LNPK: variants seen among roughly 807,000 people sequenced by gnomAD.
LNPK encodes the protein lunapark, ER junction formation factor, also known as endoplasmic reticulum junction formation protein lunapark.
LNPK carries 29 observed loss-of-function variants against 55.2 expected under a neutral mutation model. That is an observed-to-expected ratio of 0.53 (90% CI 0.39 to 0.72). The LOEUF (loss-of-function observed/expected upper bound fraction) is 0.72. Ranked by LOEUF, LNPK falls within the 30% of genes least tolerant of loss-of-function variation. The probability of loss-of-function intolerance (pLI) is 0.00; values close to 1 mark genes in which losing one functional copy is unlikely to be tolerated. For missense variants in LNPK, 467 were observed against 494.8 expected, an observed-to-expected ratio of 0.94 and a Z score of 0.53; for synonymous variants, 162 against 168.2, an observed-to-expected ratio of 0.96 and a Z score of 0.29.
chr2:175,950,165 C>T (rs2105573812), intron 8 of LNPK, among the ~76,000 whole-genome samples: 1 of 152,106 alleles, frequency 6.6e-6, no homozygotes, highest in African/African-American at 2.4e-5. Flanking sequence ...AATGACCCAA[C>T]AAAAATCATA....
At chr2:175,937,648 T>G (rs1684620592) in intron 11 of LNPK, 134 bp from the exon 12 acceptor site, 3 of 601,454 alleles carry the variant, frequency 5.0e-6, no homozygotes, top group Non-Finnish European at 8.6e-6. Context: ...GTTATTTAAA[T>G]AATAATATGG....
intron 9 of LNPK, among the ~76,000 whole-genome samples, chr2:175,942,712 A>G (rs1034460919): frequency 9.2e-5 from 14 of 151,824 alleles, no homozygotes; most frequent in Non-Finnish European, 2.1e-4. Flanking sequence ...TTAAACACCT[A>G]TATTACAAAA....
At chr2:175,980,904 CAAAAAAAA>C (rs369143349) in intron 4 of LNPK, among the ~76,000 whole-genome samples, 3 of 99,584 alleles carry the variant, frequency 3.0e-5, no homozygotes, top group South Asian at 2.9e-4. Context: ...AAGACTGTCC[CAAAAAAAA>C]AAAAAAAAAG....
In LNPK at chr2:175,950,848, T is replaced by C. The variant is rs142896713; in HGVS notation, c.494-3156A>G. ...AACAGGCAATAACTATTAGCAGAAA[T>C]AGTGCATATCTAAAGGTTCCAACGA... On this transcript the variant is annotated intron_variant, in intron 8 of 12. Coordinates refer to ENST00000272748, the MANE Select transcript of LNPK (RefSeq NM_030650.3). Among the ~76,000 whole-genome samples the C allele has an allele frequency of 3.2e-3, 487 of 152,186 alleles. 2 individuals are homozygous for C. The highest frequency in any genetic ancestry group is 9.6e-3 in the African/African-American group (397 of 41,542).
At chr2:175,947,333 A>C in intron 9 of LNPK, 147 bp downstream of exon 9, 1 of 636,020 alleles carries the variant, frequency 1.6e-6, no homozygotes, top group Non-Finnish European at 2.7e-6. Flanking sequence ...GTTATGGCTA[A>C]TTGAATATGG....
intron 2 of LNPK, 75 bp from the exon 3 acceptor site, chr2:175,993,298 G>T: frequency 2.4e-6 from 2 of 841,748 alleles, no homozygotes; most frequent in South Asian, 2.4e-5. Flanking sequence ...AATCATTAAA[G>T]AACATTTATT....
At chr2:175,948,632 A>G (rs533789789) in intron 8 of LNPK, among the ~76,000 whole-genome samples, 1 of 152,236 alleles carries the variant, frequency 6.6e-6, no homozygotes, top group Non-Finnish European at 1.5e-5. Context: ...TACTTTTTCA[A>G]TTCTACCTAT....
At position 175,924,301 on chromosome 2, in the gene LNPK, T is replaced by G. The variant is rs140063576; in HGVS notation, c.*5666A>C. 1.0e-3 allele frequency: 153 copies of G among 152,364 alleles called. No individual in the cohort carries two copies. Among genetic ancestry groups the G allele is most frequent in the African/African-American group, 3.5e-3 (144 of 41,588 alleles). The allele number at this position is 152,364 out of a possible 1,614,324, so 9.4% of individuals were successfully genotyped here. ...AGCTATTCATAATTCACAAAATGCCTTTATTCTTTGGCCCTTCAACTAACT... is the reference window on the plus strand; with the variant it reads ...AGCTATTCATAATTCACAAAATGCCGTTATTCTTTGGCCCTTCAACTAACT... On this transcript the variant is annotated 3_prime_UTR_variant, in exon 13 of 13. Transcript: ENST00000272748.
Position 175,939,631 on chromosome 2 carries a change from C to T in LNPK, c.733G>A (p.Ala245Thr), listed in dbSNP as rs1684717035. ...MGLHPPGPPLARPILPRERGA... is the reference protein window; with the variant it reads ...MGLHPPGPPLTRPILPRERGA... Reference sequence around the variant, plus strand: ...CGTTCTCGGGGGAGAATAGGTCTTGCTAAAGGTGGACCTGGAGGATGAAGA... The same window carrying T: ...CGTTCTCGGGGGAGAATAGGTCTTGTTAAAGGTGGACCTGGAGGATGAAGA... The change falls in exon 10 of 13, where the codon GCA (alanine) becomes ACA (threonine). Residue 245 changes from alanine (A) to threonine (T), a missense_variant. Coordinates refer to ENST00000272748, the MANE Select transcript of LNPK (RefSeq NM_030650.3). 2.5e-6 allele frequency: 4 copies of T among 1,599,102 alleles called. No individual in the cohort carries two copies. The East Asian group carries it at 9.0e-5, about 36-fold the overall frequency.
intron 5 of LNPK, among the ~76,000 whole-genome samples, chr2:175,977,243 A>G (rs1686951443): frequency 1.3e-5 from 2 of 152,236 alleles, no homozygotes; most frequent in South Asian, 4.1e-4. Context: ...CTAGAGATGT[A>G]CTGTCTAATG....
Position 175,928,343 on chromosome 2 carries a change from T to C in LNPK, c.*1624A>G, listed in dbSNP as rs1318293167. The stretch of plus-strand genomic sequence containing the variant: ...TTATTTTTAATTATCCTAATACCCT[T>C]CAAAAATAAACATAACTCTTCCCAT... On this transcript the variant is annotated 3_prime_UTR_variant, in exon 13 of 13. Coordinates refer to ENST00000272748, the MANE Select transcript of LNPK (RefSeq NM_030650.3). 2 of 151,960 alleles carry C rather than the reference T, an allele frequency of 1.3e-5. No individual in the cohort carries two copies. Among genetic ancestry groups the C allele is most frequent in the Non-Finnish European group, 2.9e-5 (2 of 67,970 alleles). 9.4% of individuals were successfully genotyped at this position (151,960 alleles called of 1,614,324 possible). A position where few individuals can be genotyped will look rare whatever the true frequency, so the allele number is the denominator to read the frequency against.
At chr2:175,930,275 A>AACACACACACAC (rs35338571) in intron 12 of LNPK, 76 bp from the exon 13 acceptor site, 7 of 661,274 alleles carry the variant, frequency 1.1e-5, no homozygotes, top group African/African-American at 7.4e-5. Flanking sequence ...AAAAAAGATA[A>AACACACACACAC]ACACACACAC....
chr2:175,941,790 C>CAATAA (rs1684854277), intron 9 of LNPK, among the ~76,000 whole-genome samples: 1 of 51,926 alleles, frequency 1.9e-5, no homozygotes, highest in East Asian at 7.2e-4. Flanking sequence ...GATTCCATCT[C>CAATAA]AAAAAAAAAA....
chr2:175,994,263 A>C, intron 2 of LNPK: 3 of 973,770 alleles, frequency 3.1e-6, no homozygotes, highest in Non-Finnish European at 3.7e-6. Flanking sequence ...GAATACTGGC[A>C]ATTTCATATG....
intron 8 of LNPK, among the ~76,000 whole-genome samples, chr2:175,954,952 G>A (rs1685621892): frequency 6.6e-6 from 1 of 152,074 alleles, no homozygotes; most frequent in South Asian, 2.1e-4. Flanking sequence ...CATATAATGG[G>A]AGCCAACAAA....
intron 4 of LNPK, among the ~76,000 whole-genome samples, chr2:175,989,203 G>C (rs1191653323): frequency 6.6e-6 from 1 of 152,222 alleles, no homozygotes; most frequent in Non-Finnish European, 1.5e-5. Context: ...TGTGGGGAGA[G>C]AGAGGAGGCA....
At chr2:175,935,090 T>G (rs1684475975) in intron 12 of LNPK, among the ~76,000 whole-genome samples, 1 of 152,138 alleles carries the variant, frequency 6.6e-6, no homozygotes, top group Non-Finnish European at 1.5e-5. Context: ...AAAAAAATAT[T>G]TCTTCTATTA....
In LNPK at chr2:175,996,011, CTA is replaced by C. The variant is rs1399056786; in HGVS notation, c.-62-367_-62-366del. On this transcript the variant is annotated intron_variant, in intron 1 of 12. Transcript: ENST00000272748. ...TATTCTTGGTAGAGACGGGGTTTTG[CTA>C]TGTTGGCCAGGCTGGTCTTGAACTC... is the stretch of plus-strand genomic sequence containing the variant. 2.0e-5 allele frequency among the ~76,000 whole-genome samples: 3 copies of C among 151,726 alleles called. No homozygotes were observed. The East Asian group carries it at 5.8e-4, about 29-fold the overall frequency.
At chr2:175,977,463 C>A (rs561106151) in intron 5 of LNPK, among the ~76,000 whole-genome samples, 1 of 151,792 alleles carries the variant, frequency 6.6e-6, no homozygotes, top group Non-Finnish European at 1.5e-5. Flanking sequence ...AAAAAGAAAG[C>A]CAAAGGCAGA....
Sources: gnomAD v4.1 joint callset for allele counts (sites outside exome capture counted in the v4.1 genomes callset) on GRCh38, gnomAD v4.1.1 for gene constraint, MANE v1.5 for transcripts, NCBI Gene and HGNC (gene_info 2026-07-23, HGNC 2026-07-21) for gene names.